The following GSE1 variants were observed in gnomAD, a reference collection of about 807,000 sequenced individuals.
GSE1 encodes genetic suppressor element 1.
Under a neutral mutation model 112.6 loss-of-function variants are expected in GSE1, and 32 were observed. The observed-to-expected ratio is 0.28, with a 90% confidence interval of 0.21 to 0.38. The LOEUF (loss-of-function observed/expected upper bound fraction) is 0.38. GSE1 is among the 10% of genes least tolerant of loss of function. GSE1 has a pLI of 1.00. For missense variants in GSE1, 2,348 were observed against 1,699.2 expected (o/e 1.38, Z -6.71); for synonymous variants, 1,115 against 735.6 (o/e 1.52, Z -8.35).
At chr16:85,248,610 G>A (rs769966988) in intron 1 of GSE1, among the ~76,000 whole-genome samples, 13 of 152,058 alleles carry the variant, frequency 8.5e-5, no homozygotes, top group Non-Finnish European at 1.8e-4. Flanking sequence ...TGGGGGAGCC[G>A]CCATGATCTG....
intron 1 of GSE1, among the ~76,000 whole-genome samples, chr16:85,313,916 C>CTG (rs1491461627): frequency 1.5e-4 from 12 of 79,626 alleles, no homozygotes; most frequent in Admixed American, 4.8e-4. Context: ...TAGTCTGAGC[C>CTG]TCTGTGTGTG....
At chr16:85,643,537 C>G (rs974693549) in intron 2 of GSE1, among the ~76,000 whole-genome samples, 6 of 152,054 alleles carry the variant, frequency 3.9e-5, no homozygotes, top group East Asian at 1.9e-4. Context: ...AGAAACGAGG[C>G]TCATTCAGAG....
chr16:85,648,790 T>C, intron 3 of GSE1, 39 bp downstream of exon 3: 1 of 1,233,096 alleles, frequency 8.1e-7, no homozygotes, highest in Non-Finnish European at 1.1e-6. Flanking sequence ...GTCCTCTAAG[T>C]GGGGAGGCTG....
chr16:85,671,150 G>C, intron 15 of GSE1, 52 bp downstream of exon 15: 5 of 1,033,178 alleles, frequency 4.8e-6, no homozygotes, highest in Non-Finnish European at 7.6e-6. Context: ...TTGAGTTTGG[G>C]TTCAGAAACA....
intron 2 of GSE1, among the ~76,000 whole-genome samples, chr16:85,528,190 T>C (rs747240999): frequency 3.3e-5 from 5 of 152,210 alleles, no homozygotes; most frequent in Non-Finnish European, 7.3e-5. Context: ...TGCAGTGCAA[T>C]GAGGGCCTCG....
At chr16:85,310,777 G>A (rs967645789) in intron 1 of GSE1, among the ~76,000 whole-genome samples, 2 of 151,198 alleles carry the variant, frequency 1.3e-5, no homozygotes, top group Admixed American at 1.3e-4. Context: ...CCTCTGGCCT[G>A]CGTCCCCCCC....
At chr16:85,366,463 C>G (rs961795365) in intron 2 of GSE1, among the ~76,000 whole-genome samples, 2 of 152,252 alleles carry the variant, frequency 1.3e-5, no homozygotes, top group African/African-American at 4.8e-5. Flanking sequence ...TCTGGAACTT[C>G]TTGTAATGCC....
At chr16:85,581,268 G>A (rs2046437633) in intron 1 of GSE1, among the ~76,000 whole-genome samples, 1 of 152,146 alleles carries the variant, frequency 6.6e-6, no homozygotes, top group African/African-American at 2.4e-5. Context: ...TCTGCCCCAT[G>A]CCCCCTGCCC....
intron 1 of GSE1, among the ~76,000 whole-genome samples, chr16:85,589,832 ATG>A (rs769335578): frequency 3.0e-4 from 45 of 150,092 alleles, no homozygotes; most frequent in Non-Finnish European, 4.6e-4. Flanking sequence ...ATATGTGTGA[ATG>A]TGTGTGAACA....
At chr16:85,470,431 G>A (rs901337693) in intron 2 of GSE1, among the ~76,000 whole-genome samples, 8 of 152,334 alleles carry the variant, frequency 5.3e-5, no homozygotes, top group African/African-American at 1.7e-4. Flanking sequence ...GCTGGGATCC[G>A]TGTCTCTTTC....
chr16:85,356,526 G>C (rs951446546), intron 1 of GSE1, among the ~76,000 whole-genome samples: 1 of 152,250 alleles, frequency 6.6e-6, no homozygotes, highest in African/African-American at 2.4e-5. Flanking sequence ...CCACAGGTGA[G>C]ACTCTGGCCA....
At chr16:85,446,542 C>T (rs1196205159) in intron 2 of GSE1, among the ~76,000 whole-genome samples, 2 of 152,132 alleles carry the variant, frequency 1.3e-5, no homozygotes, top group East Asian at 1.9e-4. Flanking sequence ...CTGGGTTCTG[C>T]GATGACCGGG....
At chr16:85,179,167 C>T (rs2074530141) in intron 1 of GSE1, among the ~76,000 whole-genome samples, 1 of 152,146 alleles carries the variant, frequency 6.6e-6, no homozygotes, top group Non-Finnish European at 1.5e-5. Context: ...CCCGTCGCCT[C>T]CTCCACCCAC....
chr16:85,224,462 G>A (rs1006556933), intron 1 of GSE1, among the ~76,000 whole-genome samples: 1 of 152,138 alleles, frequency 6.6e-6, no homozygotes, highest in South Asian at 2.1e-4. Flanking sequence ...GTTCCAGTTC[G>A]GGTTTATAGC....
chr16:85,543,732 G>A (rs561518718), intron 2 of GSE1, among the ~76,000 whole-genome samples: 6 of 152,332 alleles, frequency 3.9e-5, no homozygotes, highest in Non-Finnish European at 8.8e-5. Context: ...CATAGTAGGA[G>A]GTCTAAAACT....
At chr16:85,327,471 C>T (rs530361403) in intron 1 of GSE1, among the ~76,000 whole-genome samples, 1 of 152,226 alleles carries the variant, frequency 6.6e-6, no homozygotes, top group African/African-American at 2.4e-5. Context: ...GGCATGGTGG[C>T]ACATACCTGT....
chr16:85,360,879 T>C (rs1254598944), intron 2 of GSE1, among the ~76,000 whole-genome samples: 1 of 150,690 alleles, frequency 6.6e-6, no homozygotes, highest in Admixed American at 6.6e-5. Flanking sequence ...GCATAGATTT[T>C]TCCCAAGCAC....
chr16:85,556,672 G>A lies in GSE1; in HGVS notation c.37+309G>A, dbSNP rs944223326. ...CGCGGCGGCGGAGCGAGCGGCCGAG[G>A]CACTTAAACCTTCCAAGGTGAAGTA... On this transcript the variant is annotated intron_variant, in intron 1 of 2. Coordinates refer to the GSE1 transcript ENST00000635906. Among the ~76,000 whole-genome samples, 3 of 150,834 alleles carry A rather than the reference G, an allele frequency of 2.0e-5. No individual in the cohort carries two copies. In the East Asian group the frequency reaches 6.0e-4, roughly 30 times the overall value.
At chr16:85,446,936 G>A (rs939228939) in intron 2 of GSE1, among the ~76,000 whole-genome samples, 2 of 152,110 alleles carry the variant, frequency 1.3e-5, no homozygotes, top group African/African-American at 4.8e-5. Flanking sequence ...CTGTGTGCCT[G>A]CTCCCTGCAC....
Sources: allele counts gnomAD v4.1 joint callset (sites outside exome capture counted in the v4.1 genomes callset), GRCh38; gene constraint gnomAD v4.1.1; transcripts MANE v1.5; gene names NCBI Gene and HGNC (gene_info 2026-07-23, HGNC 2026-07-21).